The following DCDC1 variants were observed in gnomAD, a reference collection of about 807,000 sequenced individuals.
The protein encoded by DCDC1 is doublecortin domain-containing protein 1.
In DCDC1, 200 loss-of-function variants were observed where a neutral mutation model predicts 178.3. The observed-to-expected ratio is 1.12, with a 90% CI of 1.00 to 1.26. DCDC1 has a LOEUF of 1.26. DCDC1 is among the 50% of genes most tolerant of loss of function. The pLI is 0.00. For missense variants in DCDC1, 1,983 were observed against 1,749.2 expected, an observed-to-expected ratio of 1.13 and a Z score of -2.38; for synonymous variants, 690 against 604.8, an observed-to-expected ratio of 1.14 and a Z score of -2.07.
chr11:31,314,809 T>C (rs1948971396), intron 3 of DCDC1, among the ~76,000 whole-genome samples: 1 of 152,192 alleles, frequency 6.6e-6, no homozygotes, highest in African/African-American at 2.4e-5. Flanking sequence ...CTTTTCTCTT[T>C]TGCCATATAA....
chr11:31,315,214 T>C lies in DCDC1; in HGVS notation c.165-7306A>G, dbSNP rs1264090728. Among the ~76,000 whole-genome samples, 3 of 151,768 alleles carry C rather than the reference T, an allele frequency of 2.0e-5. No individual in the cohort carries two copies. The East Asian group carries it at 5.8e-4, about 29-fold the overall frequency. On this transcript the variant is annotated intron_variant, in intron 3 of 38. Transcript: ENST00000684477. ...TACTTCTTGGTCTCACATTCAACAATTTCTACCAAGTGGTGCTGCTCATTA... is the reference window on the plus strand; with the variant it reads ...TACTTCTTGGTCTCACATTCAACAACTTCTACCAAGTGGTGCTGCTCATTA...
intron 9 of DCDC1, among the ~76,000 whole-genome samples, chr11:31,153,859 G>GCA (rs56888014): frequency 0.087 from 11,934 of 137,670 alleles, 1,154 homozygotes; most frequent in African/African-American, 0.24. Flanking sequence ...ACAGTGTCAT[G>GCA]CACACACACA....
intron 8 of DCDC1, among the ~76,000 whole-genome samples, chr11:31,260,014 G>A (rs1388288016): frequency 6.6e-6 from 1 of 152,072 alleles, no homozygotes; most frequent in African/African-American, 2.4e-5. Flanking sequence ...CATTTTGTTT[G>A]CTTGGAAACA....
At chr11:31,213,135 CTCTCTCTCTCTCTCTCTCTCTCTCTCTG>C (rs1180723512) in intron 9 of DCDC1, among the ~76,000 whole-genome samples, 2 of 140,636 alleles carry the variant, frequency 1.4e-5, no homozygotes, top group Non-Finnish European at 3.1e-5. Context: ...CTCTCTCTCT[CTCTCTCTCTCTCTCTCTCTCTCTCTCTG>C]CTTTCTTTAC....
chr11:31,113,569 T>C (rs1164466960), intron 11 of DCDC1, among the ~76,000 whole-genome samples: 1 of 151,994 alleles, frequency 6.6e-6, no homozygotes. Flanking sequence ...AATAGTTTGC[T>C]CAGAATGATG....
At chr11:30,930,456 T>C (rs1004556589) in intron 22 of DCDC1, among the ~76,000 whole-genome samples, 1 of 152,168 alleles carries the variant, frequency 6.6e-6, no homozygotes, top group African/African-American at 2.4e-5. Context: ...TGTATGCCAG[T>C]GTATTTTAAT....
At chr11:31,321,540 C>T (rs1490508971) in intron 3 of DCDC1, among the ~76,000 whole-genome samples, 3 of 152,160 alleles carry the variant, frequency 2.0e-5, no homozygotes, top group African/African-American at 4.8e-5. Flanking sequence ...ACACACTGGC[C>T]TGCGCCCACT....
chr11:30,883,986 C>CA (rs1231658873), intron 36 of DCDC1, among the ~76,000 whole-genome samples: 2 of 146,204 alleles, frequency 1.4e-5, no homozygotes, highest in Non-Finnish European at 3.0e-5. Flanking sequence ...GTGAAACGAC[C>CA]AAAAAAGGAG....
At chr11:30,935,846 C>T (rs1203349952) in intron 21 of DCDC1, among the ~76,000 whole-genome samples, 2 of 152,194 alleles carry the variant, frequency 1.3e-5, no homozygotes, top group Non-Finnish European at 2.9e-5. Context: ...GCCACTGTGC[C>T]TGGCCTCATG....
At chr11:30,987,697 C>A (rs1320413084) in intron 20 of DCDC1, among the ~76,000 whole-genome samples, 1 of 152,208 alleles carries the variant, frequency 6.6e-6, no homozygotes, top group African/African-American at 2.4e-5. Flanking sequence ...GGCTCTAGAT[C>A]AAGCTTGTCC....
chr11:30,977,569 AT>A (rs1233363485), intron 20 of DCDC1, among the ~76,000 whole-genome samples: 2 of 152,228 alleles, frequency 1.3e-5, no homozygotes, highest in Non-Finnish European at 2.9e-5. Flanking sequence ...TTTAATGAAT[AT>A]ATTTGTTCAT....
intron 34 of DCDC1, among the ~76,000 whole-genome samples, chr11:30,894,827 A>T (rs1272991362): frequency 6.6e-6 from 1 of 152,214 alleles, no homozygotes; most frequent in Non-Finnish European, 1.5e-5. Flanking sequence ...CTAAAATAAT[A>T]TTAACCCAAG....
rs547420589 is a variant in DCDC1, at chr11:31,348,353, T to C, written c.-124-12789A>G. ...AAGAAATCTGGAATTACCATCATCT[T>C]CAAAGATTTCAGGTCTCTTTCTCTA... On this transcript the variant is annotated intron_variant, in intron 1 of 38. Transcript: ENST00000684477. Among the ~76,000 whole-genome samples the C allele has an allele frequency of 2.0e-5, 3 of 152,258 alleles. No individual in the cohort carries two copies. The South Asian group carries it at 6.2e-4, about 32-fold the overall frequency.
chr11:31,120,089 G>A (rs1267434778), intron 11 of DCDC1, among the ~76,000 whole-genome samples: 1 of 152,040 alleles, frequency 6.6e-6, no homozygotes, highest in Non-Finnish European at 1.5e-5. Flanking sequence ...TCTGTCATTG[G>A]CAGAATAAAA....
intron 34 of DCDC1, among the ~76,000 whole-genome samples, chr11:30,898,008 G>A (rs1460782594): frequency 6.6e-6 from 1 of 152,102 alleles, no homozygotes; most frequent in African/African-American, 2.4e-5. Context: ...GGACAGGAGA[G>A]GGAAAACTTT....
At chr11:31,315,091 T>C (rs1384042497) in intron 3 of DCDC1, among the ~76,000 whole-genome samples, 1 of 152,080 alleles carries the variant, frequency 6.6e-6, no homozygotes, top group Non-Finnish European at 1.5e-5. Flanking sequence ...TGACTACAGA[T>C]TTGACAAGAA....
intron 21 of DCDC1, among the ~76,000 whole-genome samples, chr11:30,943,025 CTGACTGGAGTG>C (rs1947762490): frequency 6.6e-6 from 1 of 152,082 alleles, no homozygotes; most frequent in Non-Finnish European, 1.5e-5. Flanking sequence ...TGTAATTAAA[CTGACTGGAGTG>C]CTGGTTCTTC....
rs778394225 is a variant in DCDC1, at chr11:31,307,647, A to T, written c.426T>A (p.Gly142=). ...KRNRPVSAPV[G]QLRVAEFSSL... Reference sequence around the variant, plus strand: ...AGAACAGCTTTGATTACCTCAGTTGACCCACTGGAGCACTGACAGGTCTGT... The same window carrying T: ...AGAACAGCTTTGATTACCTCAGTTGTCCCACTGGAGCACTGACAGGTCTGT... Residue 142 remains glycine (G), a synonymous_variant, in exon 4 of 39, where the codon GGT becomes GGA. Transcript: ENST00000684477. 1.5e-5 allele frequency: 24 copies of T among 1,613,976 alleles called. No homozygotes were observed. The highest frequency in any genetic ancestry group is 1.9e-5 in the Non-Finnish European group (22 of 1,179,898).
intron 9 of DCDC1, among the ~76,000 whole-genome samples, chr11:31,186,438 T>A (rs4922856): frequency 5.3e-4 from 81 of 152,318 alleles, no homozygotes; most frequent in Admixed American, 1.3e-3. Flanking sequence ...TGCATCCAGT[T>A]TGTGTCCCAC....
Sources: gnomAD v4.1 joint callset for allele counts (sites outside exome capture counted in the v4.1 genomes callset) on GRCh38, gnomAD v4.1.1 for gene constraint, MANE v1.5 for transcripts, NCBI Gene and HGNC (gene_info 2026-07-23, HGNC 2026-07-21) for gene names.